TTC7A: variants seen among roughly 807,000 people sequenced by gnomAD.
TTC7A encodes the protein tetratricopeptide repeat domain 7A, also known as tetratricopeptide repeat protein 7A.
Under a neutral mutation model 103.7 loss-of-function variants are expected in TTC7A, and 110 were observed. The ratio of observed to expected loss-of-function variants is 1.06; its 90% CI spans 0.91 to 1.24. TTC7A has a LOEUF of 1.24. TTC7A is among the 50% of genes most tolerant of loss of function. The probability of loss-of-function intolerance (pLI) is 0.00; values close to 1 mark genes in which losing one functional copy is unlikely to be tolerated. For synonymous variants in TTC7A, 521 were observed against 467.9 expected, an observed-to-expected ratio of 1.11 and a Z score of -1.47; for missense variants, 1,340 against 1,116.3, an observed-to-expected ratio of 1.20 and a Z score of -2.86.
chr2:47,072,943 CTCTA>C (rs1372921465), intron 19 of TTC7A, among the ~76,000 whole-genome samples: 1 of 152,174 alleles, frequency 6.6e-6, no homozygotes, highest in Non-Finnish European at 1.5e-5. Flanking sequence ...CTGTTAGTTC[CTCTA>C]TCTCTTTGGT....
At chr2:46,937,593 C>A (rs980115969), upstream of TTC7A, among the ~76,000 whole-genome samples, 2 of 152,076 alleles carry the variant, frequency 1.3e-5, no homozygotes, top group Non-Finnish European at 2.9e-5. This position sits in a 1 kb window ranked among gnomAD's most constrained non-coding sequence, Gnocchi z 4.0. Flanking sequence ...TGGAAAACCC[C>A]CCAATGATGA....
chr2:47,015,948 A>G (rs1334193689), intron 11 of TTC7A, among the ~76,000 whole-genome samples: 1 of 152,228 alleles, frequency 6.6e-6, no homozygotes, highest in Non-Finnish European at 1.5e-5. Flanking sequence ...GTGGGAAGGA[A>G]CTAAGGAGAA....
At chr2:46,976,457 G>A (rs971804273) in intron 4 of TTC7A, among the ~76,000 whole-genome samples, 1 of 152,224 alleles carries the variant, frequency 6.6e-6, no homozygotes, top group African/African-American at 2.4e-5. Context: ...TTGGTGCCCT[G>A]AAGGAGGAGG....
intron 3 of TTC7A, among the ~76,000 whole-genome samples, chr2:46,965,314 G>C (rs1157394878): frequency 6.6e-6 from 1 of 152,190 alleles, no homozygotes; most frequent in Non-Finnish European, 1.5e-5. Context: ...TTTAGCCCTG[G>C]TATGGCGGGA....
intron 3 of TTC7A, among the ~76,000 whole-genome samples, chr2:46,972,170 A>G (rs1201472499): frequency 6.6e-6 from 1 of 151,664 alleles, no homozygotes; most frequent in African/African-American, 2.4e-5. Context: ...TTCGTGACTA[A>G]GAGTTTATTC....
chr2:46,983,672 C>T (rs746915), intron 5 of TTC7A, among the ~76,000 whole-genome samples: 78,336 of 152,178 alleles, frequency 0.51, 21,141 homozygotes, highest in East Asian at 0.67. Flanking sequence ...CGCCACTTTT[C>T]TTGTAAATAA....
chr2:47,060,385 A>AT (rs963574856), intron 18 of TTC7A, among the ~76,000 whole-genome samples: 53 of 151,540 alleles, frequency 3.5e-4, no homozygotes, highest in African/African-American at 1.0e-3. Flanking sequence ...AAATAAATTA[A>AT]TTTTTTTTAA....
intron 11 of TTC7A, among the ~76,000 whole-genome samples, chr2:47,019,298 C>T (rs113987770): frequency 6.6e-5 from 10 of 151,726 alleles, no homozygotes; most frequent in African/African-American, 2.2e-4. Flanking sequence ...TTTGGGAGGC[C>T]GAGGCAGGAG....
chr2:46,927,550 C>G (rs1015843302), intron 2 of TTC7A, among the ~76,000 whole-genome samples: 3 of 151,774 alleles, frequency 2.0e-5, no homozygotes, highest in Non-Finnish European at 4.4e-5. Context: ...TTAGTGGAGA[C>G]AGGGTTTCAC....
intron 3 of TTC7A, among the ~76,000 whole-genome samples, chr2:46,959,978 G>A (rs1455358158): frequency 6.6e-6 from 1 of 152,190 alleles, no homozygotes; most frequent in Non-Finnish European, 1.5e-5. Context: ...CCCCCACTAA[G>A]ATAGAAAAAT....
chr2:46,969,951 A>T (rs1488656307), intron 3 of TTC7A, among the ~76,000 whole-genome samples: 1 of 152,142 alleles, frequency 6.6e-6, no homozygotes, highest in Non-Finnish European at 1.5e-5. Context: ...GGGAGGCTTA[A>T]CTCTACCTGG....
intron 15 of TTC7A, among the ~76,000 whole-genome samples, chr2:47,031,690 C>G (rs1361517385): frequency 1.3e-5 from 2 of 152,230 alleles, no homozygotes; most frequent in African/African-American, 4.8e-5. Context: ...TGTACCTGCC[C>G]AGTTCCAGCT....
chr2:47,045,257 T>C (rs1314473949), intron 15 of TTC7A, among the ~76,000 whole-genome samples: 1 of 152,204 alleles, frequency 6.6e-6, no homozygotes, highest in African/African-American at 2.4e-5. Flanking sequence ...GTATAGCCAC[T>C]GCCTGGACCC....
chr2:46,933,040 G>T (rs1338724913), intron 2 of TTC7A, among the ~76,000 whole-genome samples: 1 of 152,136 alleles, frequency 6.6e-6, no homozygotes, highest in African/African-American at 2.4e-5. Context: ...GCACTGAAAA[G>T]GCTCTGAGCC....
chr2:46,949,152 C>T lies in TTC7A; in HGVS notation c.185-1211C>T, dbSNP rs117534421. ...GGCTCCCATGCTCGAGCCACCTCTG[C>T]TGTAGGTAGCAGGAATCTGGTGGTC... On this transcript the variant is annotated intron_variant, in intron 1 of 19. Transcript: ENST00000319190. Among the ~76,000 whole-genome samples the T allele has an allele frequency of 7.9e-3, 1,210 of 152,332 alleles. 12 individuals carry two copies. The highest frequency in any genetic ancestry group is 0.02 in the East Asian group (101 of 5,178).
At chr2:47,013,228 C>A (rs944633110) in intron 11 of TTC7A, among the ~76,000 whole-genome samples, 1 of 152,188 alleles carries the variant, frequency 6.6e-6, no homozygotes, top group African/African-American at 2.4e-5. Flanking sequence ...GCCCTTGCAT[C>A]ACAGCTTGCT....
At position 46,978,985 on chromosome 2, in the gene TTC7A, T is replaced by A. The variant is rs1674156311; in HGVS notation, c.764+78T>A. On this transcript the variant is annotated intron_variant, in intron 5 of 19. Transcript: ENST00000319190. Reference sequence around the variant, plus strand: ...TTTTGACGTGGCCTTAAGGCTGCTCTCCCTCTTCTCTGGCCTGTGCATACG... The same window carrying A: ...TTTTGACGTGGCCTTAAGGCTGCTCACCCTCTTCTCTGGCCTGTGCATACG... 4.1e-6 allele frequency: 4 copies of A among 976,442 alleles called. No individual in the cohort carries two copies. The South Asian group carries it at 5.5e-5, about 13-fold the overall frequency. The allele number at this position is 976,442 out of a possible 1,614,324, so 60.5% of individuals were successfully genotyped here.
At chr2:46,956,524 T>C (rs1671865370) in intron 2 of TTC7A, 1 of 323,350 alleles carries the variant, frequency 3.1e-6, no homozygotes. Flanking sequence ...GGCTGCAGTC[T>C]TTGGGGGGAT....
At chr2:46,946,393 T>G (rs1670941075) in intron 1 of TTC7A, among the ~76,000 whole-genome samples, 1 of 152,178 alleles carries the variant, frequency 6.6e-6, no homozygotes, top group Non-Finnish European at 1.5e-5. Flanking sequence ...AGGGAAGCCT[T>G]TATCCACCTG....
Sources: allele counts gnomAD v4.1 joint callset (sites outside exome capture counted in the v4.1 genomes callset), GRCh38; gene constraint gnomAD v4.1.1; non-coding constraint Gnocchi (gnomAD v3.1); transcripts MANE v1.5; gene names NCBI Gene and HGNC (gene_info 2026-07-23, HGNC 2026-07-21).